Variants in FAT1 observed in about 807,000 individuals in gnomAD.
FAT1 encodes the protein FAT atypical cadherin 1.
In FAT1, 171 loss-of-function variants were observed where a neutral mutation model predicts 329.8. The ratio of observed to expected loss-of-function variants is 0.52; its 90% CI spans 0.46 to 0.59. FAT1 has a LOEUF of 0.59. Among genes scored for constraint, FAT1 ranks in the 20% least tolerant of loss-of-function variants. The probability of loss-of-function intolerance (pLI) is 0.00; values close to 1 mark genes in which losing one functional copy is unlikely to be tolerated. For missense variants in FAT1, 5,672 were observed against 5,774.4 expected (o/e 0.98, Z 0.57); for synonymous variants, 2,233 against 2,228.6 (o/e 1.00, Z -0.06).
At chr4:186,659,307 T>G (rs1560972573) in intron 3 of FAT1, among the ~76,000 whole-genome samples, 1 of 152,180 alleles carries the variant, frequency 6.6e-6, no homozygotes, top group Non-Finnish European at 1.5e-5. Context: ...TCCCTGGCAT[T>G]CAGCCTCCCA....
chr4:186,634,834 T>C (rs1020473396), intron 6 of FAT1, among the ~76,000 whole-genome samples: 5 of 152,160 alleles, frequency 3.3e-5, no homozygotes, highest in Admixed American at 6.5e-5. Context: ...CAAGCGCGCA[T>C]GGAAAGCAAG....
intron 2 of FAT1, among the ~76,000 whole-genome samples, chr4:186,685,738 G>A (rs144127320): frequency 1.3e-4 from 20 of 152,330 alleles, no homozygotes; most frequent in African/African-American, 4.8e-4. Flanking sequence ...ACATCTGTAA[G>A]AGACTCGTAT....
intron 2 of FAT1, among the ~76,000 whole-genome samples, chr4:186,671,967 A>G (rs1048490176): frequency 2.0e-5 from 3 of 152,166 alleles, no homozygotes; most frequent in Non-Finnish European, 4.4e-5. Context: ...TAAAATGGCT[A>G]TTCAGTCTAC....
chr4:186,671,208 T>C (rs935971622), intron 2 of FAT1, among the ~76,000 whole-genome samples: 5 of 152,166 alleles, frequency 3.3e-5, no homozygotes, highest in African/African-American at 9.7e-5. Context: ...CACATCTTGA[T>C]GATACCTTGA....
chr4:186,618,842 C>T lies in FAT1; in HGVS notation c.7744G>A (p.Val2582Met), dbSNP rs376609881. The T allele has an allele frequency of 1.5e-4, 240 of 1,613,888 alleles. No individual in the cohort carries two copies. Among genetic ancestry groups the T allele is most frequent in the South Asian group, 1.2e-4 (11 of 91,090 alleles). Residue 2582 changes from valine to methionine, a missense_variant, in exon 10 of 27, where the codon GTG becomes ATG. By Grantham distance (21) the Val-to-Met change is conservative. Transcript: ENST00000441802. ...TTGTCATCTGTAAGGATGACATTCA[C>T]GGTGCAGAAAGCAACTTTTCCTCCA... ...DAGGKVAFCT[V>M]NVILTDDNDN...
In FAT1 at chr4:186,588,587, G is replaced by T. The variant is rs2126346285; in HGVS notation, c.*5C>A. On this transcript the variant is annotated 3_prime_UTR_variant, in exon 27 of 27. Coordinates refer to ENST00000441802, the MANE Select transcript of FAT1 (RefSeq NM_005245.4). ...AAAGTCAGGCACTTTGGGGGGAGTT[G>T]AGAGTCAGACTTCCGTGTGCTGCTG... 1 of 1,604,948 alleles carries T rather than the reference G, an allele frequency of 6.2e-7. No individual in the cohort carries two copies. The highest frequency in any genetic ancestry group is 8.5e-7 in the Non-Finnish European group (1 of 1,175,422).
intron 2 of FAT1, among the ~76,000 whole-genome samples, chr4:186,689,893 T>C (rs939288894): frequency 1.3e-4 from 20 of 152,200 alleles, no homozygotes; most frequent in African/African-American, 4.6e-4. Flanking sequence ...CATGTGACTC[T>C]TTAAAAAGAC....
At chr4:186,644,819 G>C (rs150177548) in intron 3 of FAT1, among the ~76,000 whole-genome samples, 6 of 152,346 alleles carry the variant, frequency 3.9e-5, no homozygotes, top group Non-Finnish European at 7.3e-5. Flanking sequence ...AGTAGGTGAA[G>C]ACAGTCATGT....
rs533135845 is a variant in FAT1, at chr4:186,703,307, A to G, written c.3265+3256T>C. Among the ~76,000 whole-genome samples, 75 of 152,226 alleles carry G rather than the reference A, an allele frequency of 4.9e-4. 1 individual carries two copies. The highest frequency in any genetic ancestry group is 9.4e-4 in the Non-Finnish European group (64 of 68,038). On this transcript the variant is annotated intron_variant, in intron 2 of 26. Coordinates refer to ENST00000441802, the MANE Select transcript of FAT1 (RefSeq NM_005245.4). Reference sequence around the variant, plus strand: ...TTGGTGACAGATTTTTAGGTAGTCCATAGAATTTCTACTTCTACAAAAACA... The same window carrying G: ...TTGGTGACAGATTTTTAGGTAGTCCGTAGAATTTCTACTTCTACAAAAACA...
chr4:186,658,826 C>A (rs1344185894), intron 3 of FAT1, among the ~76,000 whole-genome samples: 2 of 152,126 alleles, frequency 1.3e-5, no homozygotes, highest in Non-Finnish European at 2.9e-5. Context: ...TCCACCGGAC[C>A]CGTGAGGGCC....
intron 5 of FAT1, 79 bp from the exon 6 acceptor site, chr4:186,636,314 T>C (rs1740814381): frequency 1.5e-6 from 2 of 1,371,860 alleles, no homozygotes; most frequent in Admixed American, 1.8e-5. Flanking sequence ...ACAGACTGGT[T>C]TGGTCTTAAA....
Position 186,690,613 on chromosome 4 carries a change from CTT to C in FAT1, c.3265+15948_3265+15949del, listed in dbSNP as rs758165236. Reference sequence around the variant, plus strand: ...TTGGGAGACTGAGGTAGGAGAATCACTTGAACCCAGGAGTTGCAGTGAGCAGA... The same window carrying C: ...TTGGGAGACTGAGGTAGGAGAATCACGAACCCAGGAGTTGCAGTGAGCAGA... On this transcript the variant is annotated intron_variant, in intron 2 of 26. Coordinates refer to ENST00000441802, the MANE Select transcript of FAT1 (RefSeq NM_005245.4). 6.4e-4 allele frequency among the ~76,000 whole-genome samples: 98 copies of C among 152,044 alleles called. 1 individual carries two copies. Among genetic ancestry groups the C allele is most frequent in the Admixed American group, 9.8e-4 (15 of 15,270 alleles).
intron 9 of FAT1, among the ~76,000 whole-genome samples, chr4:186,627,144 G>T (rs1332598031): frequency 1.1e-5 from 1 of 88,176 alleles, no homozygotes. Flanking sequence ...CACATAAAGT[G>T]AGCTTCACCA....
intron 3 of FAT1, among the ~76,000 whole-genome samples, chr4:186,662,483 A>C (rs2126614911): frequency 6.6e-6 from 1 of 152,284 alleles, no homozygotes; most frequent in East Asian, 1.9e-4. Flanking sequence ...TAGAAGCAAA[A>C]GGCCTGGGGT....
chr4:186,603,425 G>T lies in FAT1; in HGVS notation c.11101C>A (p.Pro3701Thr), dbSNP rs745964475. Reference protein sequence around the residue: ...HLDVLLFVEKPGSAQISTKQL... With the variant: ...HLDVLLFVEKTGSAQISTKQL... ...TTTGTTGAGATCTGAGCACTACCTG[G>T]TTTCTCTACAAAAAGTAAGACGTCC... Residue 3701 changes from proline to threonine, a missense_variant, in exon 19 of 27, where the codon CCA (proline) becomes ACA (threonine). Physicochemically the swap from Pro to Thr is conservative, Grantham distance 38. Coordinates refer to ENST00000441802, the MANE Select transcript of FAT1 (RefSeq NM_005245.4). 1 of 1,613,964 alleles carries T rather than the reference G, an allele frequency of 6.2e-7. No homozygotes were observed. The highest frequency in any genetic ancestry group is 8.5e-7 in the Non-Finnish European group (1 of 1,179,888).
At chr4:186,718,221 G>C (rs543958934) in intron 1 of FAT1, among the ~76,000 whole-genome samples, 7 of 152,102 alleles carry the variant, frequency 4.6e-5, no homozygotes, top group African/African-American at 1.7e-4. Context: ...CTCTTCACCT[G>C]TTCTCTCTTC....
intron 3 of FAT1, among the ~76,000 whole-genome samples, chr4:186,653,461 G>A (rs1057460755): frequency 3.3e-5 from 5 of 152,062 alleles, no homozygotes; most frequent in Admixed American, 6.6e-5. Context: ...TTAGAGCAAC[G>A]GGAGGGATTC....
At position 186,700,689 on chromosome 4, in the gene FAT1, G is replaced by A. The variant is rs1744265137; in HGVS notation, c.3265+5874C>T. On this transcript the variant is annotated intron_variant, in intron 2 of 26. Coordinates refer to ENST00000441802, the MANE Select transcript of FAT1 (RefSeq NM_005245.4). ...AGTAAGAGGAGTAAAATGCGGTTCTGGCACTTAGCACCCAAGAAGTCTTGG... is the reference window on the plus strand; with the variant it reads ...AGTAAGAGGAGTAAAATGCGGTTCTAGCACTTAGCACCCAAGAAGTCTTGG... Among the ~76,000 whole-genome samples, 2 of 152,168 alleles carry A rather than the reference G, an allele frequency of 1.3e-5. 1 individual carries two copies. The highest frequency in any genetic ancestry group is 4.1e-4 in the South Asian group (2 of 4,836).
At chr4:186,679,638 T>C (rs979955985) in intron 2 of FAT1, among the ~76,000 whole-genome samples, 6 of 151,714 alleles carry the variant, frequency 4.0e-5, no homozygotes, top group Non-Finnish European at 7.4e-5. Flanking sequence ...CTTACAACAC[T>C]GTTGCCATTC....
Sources: allele counts gnomAD v4.1 joint callset (sites outside exome capture counted in the v4.1 genomes callset), GRCh38; gene constraint gnomAD v4.1.1; transcripts MANE v1.5; gene names NCBI Gene and HGNC (gene_info 2026-07-23, HGNC 2026-07-21).